The following XXYLT1 variants were observed in gnomAD, a reference collection of about 807,000 sequenced individuals.
The protein encoded by XXYLT1 is xyloside xylosyltransferase 1.
A neutral mutation model predicts 28.9 loss-of-function variants in XXYLT1; 20 were observed. That is an observed-to-expected ratio of 0.69 (90% CI 0.49 to 1.00). The LOEUF is 1.00. Among genes scored for constraint, XXYLT1 ranks in the 50% least tolerant of loss-of-function variants. The probability of loss-of-function intolerance (pLI) is 0.00; values close to 1 mark genes in which losing one functional copy is unlikely to be tolerated. For missense variants in XXYLT1, 542 were observed against 560.1 expected (o/e 0.97, Z 0.33); for synonymous variants, 257 against 253.8 (o/e 1.01, Z -0.12).
At chr3:195,175,049 C>T (rs1721594406) in intron 2 of XXYLT1, among the ~76,000 whole-genome samples, 1 of 152,186 alleles carries the variant, frequency 6.6e-6, no homozygotes, top group African/African-American at 2.4e-5. Context: ...AAATACAAGA[C>T]TCACAGAACC....
chr3:195,219,796 G>T (rs924209639), intron 2 of XXYLT1, among the ~76,000 whole-genome samples: 2 of 152,228 alleles, frequency 1.3e-5, no homozygotes, highest in Admixed American at 1.3e-4. Context: ...ACTCTCAGGG[G>T]TGATAACACT....
chr3:195,156,795 T>C (rs1720620038), intron 2 of XXYLT1, among the ~76,000 whole-genome samples: 1 of 152,194 alleles, frequency 6.6e-6, no homozygotes, highest in South Asian at 2.1e-4. Context: ...GTGTCTTTTC[T>C]TCCAACTGCA....
At chr3:195,207,247 C>T (rs980102461) in intron 2 of XXYLT1, among the ~76,000 whole-genome samples, 8 of 152,196 alleles carry the variant, frequency 5.3e-5, no homozygotes, top group Non-Finnish European at 1.2e-4. Context: ...AGCAGCCCCA[C>T]ACACAGTTGG....
At chr3:195,140,426 CAA>C (rs1254118886) in intron 3 of XXYLT1, among the ~76,000 whole-genome samples, 1 of 152,150 alleles carries the variant, frequency 6.6e-6, no homozygotes, top group African/African-American at 2.4e-5. Flanking sequence ...GGCCCCCACC[CAA>C]ATTTACATGT....
intron 1 of XXYLT1, among the ~76,000 whole-genome samples, chr3:195,238,286 C>G (rs1724638539): frequency 6.6e-6 from 1 of 152,186 alleles, no homozygotes; most frequent in Non-Finnish European, 1.5e-5. Flanking sequence ...CAGCCCCCAT[C>G]TGCCTGGTAA....
chr3:195,097,176 C>T (rs1286077055), intron 3 of XXYLT1, among the ~76,000 whole-genome samples: 1 of 152,212 alleles, frequency 6.6e-6, no homozygotes, highest in Non-Finnish European at 1.5e-5. Context: ...AGACTGCTGG[C>T]AACTTTAAGT....
intron 3 of XXYLT1, among the ~76,000 whole-genome samples, chr3:195,089,150 C>T (rs1362792504): frequency 1.5e-4 from 23 of 150,482 alleles, no homozygotes; most frequent in African/African-American, 4.6e-4. Context: ...GGCAGGCCAA[C>T]GTTCAGATTC....
At chr3:195,265,222 T>C (rs1725809488) in intron 1 of XXYLT1, among the ~76,000 whole-genome samples, 1 of 151,472 alleles carries the variant, frequency 6.6e-6, no homozygotes, top group Non-Finnish European at 1.5e-5. Flanking sequence ...ATACAAAAAT[T>C]ATGTGGGCGT....
chr3:195,080,352 G>A (rs1715361318), intron 3 of XXYLT1, among the ~76,000 whole-genome samples: 1 of 152,216 alleles, frequency 6.6e-6, no homozygotes, highest in African/African-American at 2.4e-5. Context: ...GCTTGTAGAG[G>A]GAGCAGCTGT....
At chr3:195,197,385 C>T (rs926618972) in intron 2 of XXYLT1, among the ~76,000 whole-genome samples, 9 of 149,460 alleles carry the variant, frequency 6.0e-5, no homozygotes, top group African/African-American at 2.2e-4. Context: ...TGCAGTGAGC[C>T]AAGATCGCGC....
At chr3:195,151,421 T>A (rs1720242388) in intron 3 of XXYLT1, among the ~76,000 whole-genome samples, 1 of 151,944 alleles carries the variant, frequency 6.6e-6, no homozygotes, top group African/African-American at 2.4e-5. Flanking sequence ...TCCCAGCTAC[T>A]CGGGAGGCTG....
chr3:195,201,286 T>C (rs545054656), intron 2 of XXYLT1, among the ~76,000 whole-genome samples: 3 of 152,148 alleles, frequency 2.0e-5, no homozygotes, highest in Non-Finnish European at 4.4e-5. Context: ...AGAGTGCATG[T>C]GAGGAAGGGC....
rs1715175426 is a variant in XXYLT1 at position 195,077,252 on chromosome 3, G to A, written c.786-7141C>T. On this transcript the variant is annotated intron_variant, in intron 3 of 3. Transcript: ENST00000310380. The surrounding 1 kb of genome is among the most constrained non-coding windows in gnomAD (Gnocchi z 4.8). ...GAGATGATGTAGGGGGCGGCACGGG[G>A]ACCCCAGCAGAGAGATGTCCAAAAG... Among the ~76,000 whole-genome samples, 1 of 152,096 alleles carries A rather than the reference G, an allele frequency of 6.6e-6. No homozygotes were observed.
chr3:195,131,012 T>C (rs1163865782), intron 3 of XXYLT1, among the ~76,000 whole-genome samples: 1 of 152,224 alleles, frequency 6.6e-6, no homozygotes, highest in Non-Finnish European at 1.5e-5. Context: ...CTGCAAATTC[T>C]GCAAGCAGGA....
chr3:195,103,806 A>G (rs2108680718), intron 3 of XXYLT1, among the ~76,000 whole-genome samples: 1 of 152,342 alleles, frequency 6.6e-6, no homozygotes, highest in Non-Finnish European at 1.5e-5. Flanking sequence ...CTTTGACCTC[A>G]TGGAATAAAA....
rs550300778 is a variant in XXYLT1, at chr3:195,209,171, G to C, written c.652+17538C>G. Among the ~76,000 whole-genome samples, 1 of 152,210 alleles carries C rather than the reference G, an allele frequency of 6.6e-6. No individual in the cohort carries two copies. Among genetic ancestry groups the C allele is most frequent in the Admixed American group, 6.5e-5 (1 of 15,284 alleles). ...GTTAGGACAGGAACCGGCTCACCCTGTTAAGAAGCCAGTCCTCACTAGGGC... is the reference window on the plus strand; with the variant it reads ...GTTAGGACAGGAACCGGCTCACCCTCTTAAGAAGCCAGTCCTCACTAGGGC... On this transcript the variant is annotated intron_variant, in intron 2 of 3. Transcript: ENST00000310380. This position sits in a 1 kb window ranked among gnomAD's most constrained non-coding sequence, Gnocchi z 5.0.
At chr3:195,219,287 C>T (rs1428306506) in intron 2 of XXYLT1, among the ~76,000 whole-genome samples, 2 of 152,128 alleles carry the variant, frequency 1.3e-5, no homozygotes, top group East Asian at 1.9e-4. Context: ...GCACAATGTG[C>T]ACATGTACCC....
At position 195,069,546 on chromosome 3, in the gene XXYLT1, C is replaced by T. The variant is rs751735779; in HGVS notation, c.*169G>A. The T allele has an allele frequency of 7.5e-6, 7 of 929,212 alleles. No homozygotes were observed. Among genetic ancestry groups the T allele is most frequent in the South Asian group, 3.4e-5 (2 of 59,636 alleles). 57.6% of individuals were successfully genotyped at this position (929,212 alleles called of 1,614,324 possible). A position where few individuals can be genotyped will look rare whatever the true frequency, so the allele number is the denominator to read the frequency against. ...CAGCAGTGCACAGGCCAGTCCTTGG[C>T]GGGTGGCCTCAGCACAGTGACCTGC... is the stretch of plus-strand genomic sequence containing the variant. On this transcript the variant is annotated 3_prime_UTR_variant, in exon 4 of 4. Coordinates refer to ENST00000310380, the MANE Select transcript of XXYLT1 (RefSeq NM_152531.5).
chr3:195,121,699 GGCTGAGGGCCTCGT>G (rs1453619388), intron 3 of XXYLT1, among the ~76,000 whole-genome samples: 1 of 152,180 alleles, frequency 6.6e-6, no homozygotes, highest in Non-Finnish European at 1.5e-5. Flanking sequence ...AAACAAGAAA[GGCTGAGGGCCTCGT>G]GCTGAGACTC....
Sources: gnomAD v4.1 joint callset for allele counts (sites outside exome capture counted in the v4.1 genomes callset) on GRCh38, gnomAD v4.1.1 for gene constraint, Gnocchi (gnomAD v3.1) non-coding constraint, MANE v1.5 for transcripts, NCBI Gene and HGNC (gene_info 2026-07-23, HGNC 2026-07-21) for gene names.